Variants in NECTIN3 observed in about 807,000 individuals in gnomAD.
NECTIN3 encodes nectin cell adhesion molecule 3.
NECTIN3 carries 8 observed loss-of-function variants against 49.4 expected under a neutral mutation model. That is an observed-to-expected ratio of 0.16 (90% CI 0.10 to 0.29). The LOEUF (loss-of-function observed/expected upper bound fraction) is 0.29. Among genes scored for constraint, NECTIN3 ranks in the 10% least tolerant of loss-of-function variants. The pLI is 1.00. For missense variants in NECTIN3, 581 were observed against 654.6 expected, an observed-to-expected ratio of 0.89 and a Z score of 1.23; for synonymous variants, 277 against 241.1, an observed-to-expected ratio of 1.15 and a Z score of -1.38.
In NECTIN3 at chr3:111,071,980, G is replaced by GGGGCGGGC; in HGVS notation, c.-32_-25dup. 7.2e-7 allele frequency: 1 copy of GGGGCGGGC among 1,388,118 alleles called. No individual in the cohort carries two copies. The highest frequency in any genetic ancestry group is 9.4e-7 in the Non-Finnish European group (1 of 1,063,372). 86.0% of individuals were successfully genotyped at this position (1,388,118 alleles called of 1,614,324 possible). A position where few individuals can be genotyped will look rare whatever the true frequency, so the allele number is the denominator to read the frequency against. ...GAGGCGCCGGGGCCGGGGGAGCCGG[G>GGGGCGGGC]GGGCGGGCGGGCGAGCGGGCCGGGG... On this transcript the variant is annotated 5_prime_UTR_variant, in exon 1 of 6. Transcript: ENST00000485303.
intron 7 of NECTIN3, among the ~76,000 whole-genome samples, chr3:111,185,843 C>T (rs1044175836): frequency 2.6e-5 from 4 of 151,942 alleles, no homozygotes; most frequent in African/African-American, 9.7e-5. Flanking sequence ...ATTCCCTGGT[C>T]AACAGTGGAA....
At chr3:111,098,602 C>T (rs2107413513) in intron 1 of NECTIN3, among the ~76,000 whole-genome samples, 1 of 152,248 alleles carries the variant, frequency 6.6e-6, no homozygotes, top group East Asian at 1.9e-4. Flanking sequence ...CTGGATAATC[C>T]AGTGTCATCT....
intron 1 of NECTIN3, among the ~76,000 whole-genome samples, chr3:111,107,341 G>A (rs1162529486): frequency 1.3e-5 from 2 of 152,206 alleles, no homozygotes; most frequent in East Asian, 1.9e-4. Context: ...AATAAATGCT[G>A]TCTCTTTCTC....
chr3:111,108,492 A>G (rs1324018166), intron 1 of NECTIN3, among the ~76,000 whole-genome samples: 2 of 152,128 alleles, frequency 1.3e-5, no homozygotes, highest in Non-Finnish European at 2.9e-5. Flanking sequence ...AAGGAGATAT[A>G]ATTAGGTTAT....
At chr3:111,191,193 C>A (rs2035806601), upstream of NECTIN3, among the ~76,000 whole-genome samples, 1 of 152,138 alleles carries the variant, frequency 6.6e-6, no homozygotes, top group African/African-American at 2.4e-5. Flanking sequence ...TTAGACAAAG[C>A]CACATTTGAA....
intron 2 of NECTIN3, among the ~76,000 whole-genome samples, chr3:111,117,736 C>G (rs960774217): frequency 3.0e-4 from 45 of 151,668 alleles, no homozygotes; most frequent in African/African-American, 1.0e-3. Context: ...ACTCAATGCA[C>G]AGAGTAAACT....
intron 5 of NECTIN3, 40 bp downstream of exon 5, chr3:111,126,375 A>G (rs773271587): frequency 2.0e-6 from 3 of 1,502,196 alleles, no homozygotes; most frequent in Admixed American, 1.9e-5. Context: ...TATTTAAAAT[A>G]TTTCTGAATA....
At chr3:111,156,320 A>G (rs2035097701) in intron 7 of NECTIN3, among the ~76,000 whole-genome samples, 1 of 152,204 alleles carries the variant, frequency 6.6e-6, no homozygotes, top group South Asian at 2.1e-4. Context: ...TTGTTAAAGT[A>G]AAATTTTCAT....
chr3:111,169,987 T>TA (rs1325496210), intron 7 of NECTIN3, among the ~76,000 whole-genome samples: 1 of 152,228 alleles, frequency 6.6e-6, no homozygotes, highest in Non-Finnish European at 1.5e-5. Flanking sequence ...TACTAAGTGA[T>TA]ATACTGGCCA....
At chr3:111,185,910 A>G (rs1349050901) in intron 7 of NECTIN3, among the ~76,000 whole-genome samples, 1 of 152,234 alleles carries the variant, frequency 6.6e-6, no homozygotes, top group Non-Finnish European at 1.5e-5. Context: ...GAGTAATTAT[A>G]AAATGTTGTA....
At chr3:111,172,476 CT>C (rs763194688) in intron 7 of NECTIN3, among the ~76,000 whole-genome samples, 5 of 152,056 alleles carry the variant, frequency 3.3e-5, no homozygotes, top group Non-Finnish European at 7.4e-5. Flanking sequence ...TTTTACAGAA[CT>C]TTGGATTAAC....
chr3:111,180,624 A>G (rs542473473), intron 7 of NECTIN3, among the ~76,000 whole-genome samples: 4 of 152,322 alleles, frequency 2.6e-5, no homozygotes, highest in Admixed American at 1.3e-4. Context: ...TGAGTGTAAT[A>G]TCCTATATGC....
intron 3 of NECTIN3, among the ~76,000 whole-genome samples, chr3:111,119,345 C>A (rs2033842925): frequency 6.6e-6 from 1 of 152,168 alleles, no homozygotes; most frequent in African/African-American, 2.4e-5. Context: ...GAGATGGAAT[C>A]TTGCTCTGCC....
chr3:111,072,113 GC>G lies in NECTIN3; in HGVS notation c.101del (p.Pro34ArgfsTer23). ...SLLGAGLLLQ[P>X]PTPPPLLLLL... Reference sequence around the variant, plus strand: ...TCCTCGGAGCCGGGCTCCTGCTGCAGCCCCCGACGCCACCTCCGCTGCTGCT... The same window carrying G: ...TCCTCGGAGCCGGGCTCCTGCTGCAGCCCCGACGCCACCTCCGCTGCTGCT... On this transcript the variant is annotated frameshift_variant, in exon 1 of 6. Transcript: ENST00000485303. LOFTEE classifies it high-confidence loss of function. 1 of 1,549,480 alleles carries G rather than the reference GC, an allele frequency of 6.5e-7. No individual in the cohort carries two copies. The highest frequency in any genetic ancestry group is 8.7e-7 in the Non-Finnish European group (1 of 1,146,182).
chr3:111,101,896 T>G (rs1407542333), intron 1 of NECTIN3, among the ~76,000 whole-genome samples: 2 of 152,158 alleles, frequency 1.3e-5, no homozygotes, highest in Non-Finnish European at 2.9e-5. Context: ...TTATTTGTAC[T>G]TATGTATTTT....
chr3:111,095,839 G>A (rs1445247026), intron 1 of NECTIN3, among the ~76,000 whole-genome samples: 1 of 152,176 alleles, frequency 6.6e-6, no homozygotes, highest in African/African-American at 2.4e-5. Context: ...GGCTTCCCCA[G>A]TCAGCTGGAA....
chr3:111,169,202 G>C (rs1373664907), intron 7 of NECTIN3, among the ~76,000 whole-genome samples: 1 of 142,132 alleles, frequency 7.0e-6, no homozygotes, highest in Non-Finnish European at 1.5e-5. Flanking sequence ...CCATTCTCCT[G>C]CCTCAGCCTC....
chr3:111,160,216 G>A (rs1370518744), intron 7 of NECTIN3, among the ~76,000 whole-genome samples: 1 of 152,092 alleles, frequency 6.6e-6, no homozygotes, highest in East Asian at 1.9e-4. Context: ...ATTTCTGCAT[G>A]TACGTATATA....
Position 111,133,780 on chromosome 3 carries a change from C to A in NECTIN3, c.1215C>A (p.Ile405=). 1 of 1,613,994 alleles carries A rather than the reference C, an allele frequency of 6.2e-7. No individual in the cohort carries two copies. The highest frequency in any genetic ancestry group is 1.1e-5 in the South Asian group (1 of 91,080). The change falls in exon 6 of 6, where the codon ATC becomes ATA. Residue 405 remains isoleucine (I), a synonymous_variant. Coordinates refer to ENST00000485303, the MANE Select transcript of NECTIN3 (RefSeq NM_015480.3). ...TTAAGGATGACACAATTGCCACGAT[C>A]ATTGCTAGTGTAGTGGGTGGGGCTC... The part of the protein sequence containing the change: ...ATIKDDTIAT[I]IASVVGGALF...
Sources: allele counts gnomAD v4.1 joint callset (sites outside exome capture counted in the v4.1 genomes callset), GRCh38; gene constraint gnomAD v4.1.1; transcripts MANE v1.5; gene names NCBI Gene and HGNC (gene_info 2026-07-23, HGNC 2026-07-21).